The following PDE4D variants were observed in gnomAD, a reference collection of about 807,000 sequenced individuals.
The protein encoded by PDE4D is phosphodiesterase 4D.
A neutral mutation model predicts 87.4 loss-of-function variants in PDE4D; 24 were observed. The observed-to-expected ratio is 0.27, with a 90% CI of 0.20 to 0.39. PDE4D has a LOEUF of 0.39. Ranked by LOEUF, PDE4D falls within the 10% of genes least tolerant of loss-of-function variation. The pLI, the probability that PDE4D is intolerant of heterozygous loss-of-function variation, is 1.00. For missense variants in PDE4D, 714 were observed against 1,041.0 expected (o/e 0.69, Z 4.32); for synonymous variants, 384 against 383.2 (o/e 1.00, Z -0.02).
In PDE4D at chr5:60,156,344, A is replaced by G. The variant is rs999666451; in HGVS notation, c.42+29213T>C. On this transcript the variant is annotated intron_variant, in intron 2 of 16. Coordinates refer to the PDE4D transcript ENST00000502484. Reference sequence around the variant, plus strand: ...TCTGGTTATTAAATCCAAGTAACTCATGTCTTTTTTTGACTGGAATCCAAG... The same window carrying G: ...TCTGGTTATTAAATCCAAGTAACTCGTGTCTTTTTTTGACTGGAATCCAAG... Among the ~76,000 whole-genome samples the G allele has an allele frequency of 2.6e-5, 4 of 152,320 alleles. No individual in the cohort carries two copies. The East Asian group carries it at 7.7e-4, about 29-fold the overall frequency.
At chr5:59,942,405 G>A (rs929510785) in intron 3 of PDE4D, among the ~76,000 whole-genome samples, 5 of 152,146 alleles carry the variant, frequency 3.3e-5, no homozygotes, top group Non-Finnish European at 7.3e-5. Context: ...CTTAAGAAAA[G>A]CTTGCTCTGT....
At chr5:60,229,662 T>G (rs909948376) in intron 1 of PDE4D, among the ~76,000 whole-genome samples, 1 of 152,096 alleles carries the variant, frequency 6.6e-6, no homozygotes, top group African/African-American at 2.4e-5. Flanking sequence ...TCAACAGTTG[T>G]CATAACAACT....
intron 2 of PDE4D, among the ~76,000 whole-genome samples, chr5:59,215,290 A>T (rs912943931): frequency 3.3e-5 from 5 of 152,204 alleles, no homozygotes; most frequent in African/African-American, 1.2e-4. Context: ...TCCCACAAAG[A>T]TTTCTTAAAT....
chr5:59,667,323 A>AT (rs199627219), intron 1 of PDE4D, among the ~76,000 whole-genome samples: 2 of 151,686 alleles, frequency 1.3e-5, no homozygotes, highest in Non-Finnish European at 2.9e-5. Flanking sequence ...ATTGCATTAC[A>AT]TTTTTTGAGA....
At chr5:59,755,251 T>C (rs1324355366) in intron 1 of PDE4D, among the ~76,000 whole-genome samples, 4 of 152,090 alleles carry the variant, frequency 2.6e-5, no homozygotes, top group Non-Finnish European at 5.9e-5. Flanking sequence ...AGGCTCAGAG[T>C]CTTTGGAAGG....
chr5:59,105,040 C>T (rs577936518), intron 5 of PDE4D, among the ~76,000 whole-genome samples: 2 of 152,316 alleles, frequency 1.3e-5, no homozygotes, highest in South Asian at 4.1e-4. Flanking sequence ...GTACTTCTGT[C>T]GTGCTATCCA....
At chr5:59,158,977 T>G (rs1301239798) in intron 5 of PDE4D, among the ~76,000 whole-genome samples, 1 of 152,238 alleles carries the variant, frequency 6.6e-6, no homozygotes, top group Non-Finnish European at 1.5e-5. Flanking sequence ...GGAGTAGTTA[T>G]CACCCATTAA....
At chr5:60,073,827 T>C (rs891245099) in intron 2 of PDE4D, among the ~76,000 whole-genome samples, 2 of 152,128 alleles carry the variant, frequency 1.3e-5, no homozygotes, top group Admixed American at 6.5e-5. Flanking sequence ...CAAACCATCA[T>C]AGTAGTCTCT....
intron 1 of PDE4D, among the ~76,000 whole-genome samples, chr5:60,462,330 G>A (rs1747012031): frequency 6.6e-6 from 1 of 152,126 alleles, no homozygotes. Flanking sequence ...GCTAGTGGAT[G>A]TGGGTGTGAA....
chr5:58,970,773 G>T lies in PDE4D; in HGVS notation c.*3891C>A, dbSNP rs561322080. On this transcript the variant is annotated 3_prime_UTR_variant, in exon 15 of 15. Coordinates refer to ENST00000340635, the MANE Select transcript of PDE4D (RefSeq NM_001104631.2). Reference sequence around the variant, plus strand: ...AAGCTGATGAATAGATAACCAACACGAGTAAACTCTGGCTCCAATTTCAAA... The same window carrying T: ...AAGCTGATGAATAGATAACCAACACTAGTAAACTCTGGCTCCAATTTCAAA... 6.6e-6 allele frequency: 1 copy of T among 151,936 alleles called. No individual in the cohort carries two copies. Among genetic ancestry groups the T allele is most frequent in the Non-Finnish European group, 1.5e-5 (1 of 67,992 alleles). The allele number at this position is 151,936 out of a possible 1,614,324, so 9.4% of individuals were successfully genotyped here. A position where few individuals can be genotyped will look rare whatever the true frequency, so the allele number is the denominator to read the frequency against.
chr5:59,086,872 C>T (rs1452912803), intron 5 of PDE4D, among the ~76,000 whole-genome samples: 2 of 152,050 alleles, frequency 1.3e-5, no homozygotes, highest in Non-Finnish European at 2.9e-5. Flanking sequence ...TTAGTTCAAG[C>T]CCTCTTTGTT....
chr5:59,204,256 C>A lies in PDE4D; in HGVS notation c.648-10720G>T, dbSNP rs1190246066. Among the ~76,000 whole-genome samples, 12 of 150,170 alleles carry A rather than the reference C, an allele frequency of 8.0e-5. No homozygotes were observed. In the South Asian group the frequency reaches 2.5e-3, roughly 32 times the overall value. ...ATTTTTGGCTCATGTGTGCTCATAT[C>A]ACTTGTGGAGGACAGGCACTGATGA... On this transcript the variant is annotated intron_variant, in intron 2 of 14. Transcript: ENST00000340635.
At chr5:60,303,433 C>T (rs113931420) in intron 1 of PDE4D, among the ~76,000 whole-genome samples, 8,504 of 151,728 alleles carry the variant, frequency 0.056, 781 homozygotes, top group African/African-American at 0.2. Flanking sequence ...CTCAGCCTCC[C>T]GTGTAGCTGG....
intron 1 of PDE4D, among the ~76,000 whole-genome samples, chr5:59,485,686 C>G (rs1805007776): frequency 1.3e-5 from 2 of 152,108 alleles, no homozygotes; most frequent in South Asian, 4.1e-4. Context: ...CTGATTGGAA[C>G]CAAGAAGGTA....
chr5:59,904,440 A>G (rs548282931), intron 3 of PDE4D, among the ~76,000 whole-genome samples: 1 of 152,288 alleles, frequency 6.6e-6, no homozygotes, highest in East Asian at 1.9e-4. Flanking sequence ...CCAAGTTTAA[A>G]TTCATTAGCC....
chr5:60,007,986 ATT>A (rs1173578736), intron 2 of PDE4D, among the ~76,000 whole-genome samples: 1 of 152,006 alleles, frequency 6.6e-6, no homozygotes, highest in Non-Finnish European at 1.5e-5. Flanking sequence ...GAGTACAAAC[ATT>A]GTCAGAAACT....
intron 5 of PDE4D, among the ~76,000 whole-genome samples, chr5:59,080,662 G>A (rs528787738): frequency 6.6e-6 from 1 of 152,216 alleles, no homozygotes; most frequent in African/African-American, 2.4e-5. Context: ...CTTCTATCAC[G>A]TCAAAGACAT....
chr5:59,514,300 T>C (rs949960890), intron 1 of PDE4D, among the ~76,000 whole-genome samples: 60 of 151,988 alleles, frequency 3.9e-4, no homozygotes, highest in Admixed American at 7.9e-4. Context: ...AGAGACAGGG[T>C]TTCACCGTGT....
At chr5:60,051,596 A>T (rs572575313) in intron 2 of PDE4D, among the ~76,000 whole-genome samples, 1 of 152,326 alleles carries the variant, frequency 6.6e-6, no homozygotes, top group Non-Finnish European at 1.5e-5. Context: ...GAATGATCTA[A>T]AATCGACACC....
Sources: gnomAD v4.1 joint callset for allele counts (sites outside exome capture counted in the v4.1 genomes callset) on GRCh38, gnomAD v4.1.1 for gene constraint, MANE v1.5 for transcripts, NCBI Gene and HGNC (gene_info 2026-07-23, HGNC 2026-07-21) for gene names.